FAM76B: variants seen among roughly 807,000 people sequenced by gnomAD.
FAM76B encodes family with sequence similarity 76 member B.
FAM76B carries 16 observed loss-of-function variants against 51.8 expected under a neutral mutation model. That is an observed-to-expected ratio of 0.31 (90% CI 0.21 to 0.47). The LOEUF is 0.47. Ranked by LOEUF, FAM76B falls within the 20% of genes least tolerant of loss-of-function variation. The pLI, the probability that FAM76B is intolerant of heterozygous loss-of-function variation, is 1.00. For missense variants in FAM76B, 342 were observed against 392.6 expected, an observed-to-expected ratio of 0.87 and a Z score of 1.09; for synonymous variants, 166 against 129.5, an observed-to-expected ratio of 1.28 and a Z score of -1.91.
At position 95,770,959 on chromosome 11, in the gene FAM76B, T is replaced by G. The variant is rs1175906641; in HGVS notation, c.*602A>C. 4.0e-5 allele frequency: 6 copies of G among 151,634 alleles called. No homozygotes were observed. The highest frequency in any genetic ancestry group is 3.3e-4 in the Admixed American group (5 of 15,138). 9.4% of individuals were successfully genotyped at this position (151,634 alleles called of 1,614,324 possible). A position where few individuals can be genotyped will look rare whatever the true frequency, so the allele number is the denominator to read the frequency against. On this transcript the variant is annotated 3_prime_UTR_variant, in exon 10 of 10. Transcript: ENST00000358780. ...ACCTTAGATACTGTACAATAAACATTAATTCCTATACCAATAATGAAAATG... is the reference window on the plus strand; with the variant it reads ...ACCTTAGATACTGTACAATAAACATGAATTCCTATACCAATAATGAAAATG...
At chr11:95,774,708 T>C (rs1859917239) in intron 9 of FAM76B, among the ~76,000 whole-genome samples, 1 of 151,038 alleles carries the variant, frequency 6.6e-6, no homozygotes, top group Admixed American at 6.6e-5. Context: ...TTGACTAATA[T>C]ATAAGAATCT....
rs900238214 is a variant in FAM76B at position 95,787,829 on chromosome 11, T to C, written c.153-151A>G. The C allele has an allele frequency of 6.2e-6, 4 of 649,110 alleles. No individual in the cohort carries two copies. The African/African-American group carries it at 7.4e-5, about 12-fold the overall frequency. 40.2% of individuals were successfully genotyped at this position (649,110 alleles called of 1,614,324 possible). On this transcript the variant is annotated intron_variant, in intron 2 of 9. Transcript: ENST00000358780. ...CAAATATACAAGGATATTTTCAGAG[T>C]TGTTTTACCCAAATTAACTTATGAC...
chr11:95,789,483 C>G lies in FAM76B; in HGVS notation c.-5G>C. The G allele has an allele frequency of 6.3e-7, 1 of 1,596,832 alleles. No individual in the cohort carries two copies. The highest frequency in any genetic ancestry group is 1.1e-5 in the South Asian group (1 of 88,552). On this transcript the variant is annotated 5_prime_UTR_variant, in exon 1 of 10. Transcript: ENST00000358780. ...GTACAGGGCCGAGGCCGCCATCCTG[C>G]TCCTCAGTCTCCTCCTCCGCCGCCG...
At chr11:95,774,477 T>A (rs542655634) in intron 9 of FAM76B, among the ~76,000 whole-genome samples, 1 of 151,516 alleles carries the variant, frequency 6.6e-6, no homozygotes, top group South Asian at 2.1e-4. Flanking sequence ...ACTGCTCTTT[T>A]GAACAGTGGG....
intron 4 of FAM76B, among the ~76,000 whole-genome samples, chr11:95,784,429 G>C (rs903467973): frequency 4.0e-5 from 6 of 151,854 alleles, no homozygotes; most frequent in Admixed American, 2.6e-4. Flanking sequence ...ATGTACCCCT[G>C]AACTTAAAAA....
chr11:95,770,523 A>T lies in FAM76B; in HGVS notation c.*1038T>A, dbSNP rs1366958078. On this transcript the variant is annotated 3_prime_UTR_variant, in exon 10 of 10. Transcript: ENST00000358780. ...AATTTTATAAAATATAAAGCAAAAC[A>T]TGTAACTCACACAATACTAATATGA... The T allele has an allele frequency of 6.6e-6, 1 of 151,834 alleles. No individual in the cohort carries two copies. Among genetic ancestry groups the T allele is most frequent in the Non-Finnish European group, 1.5e-5 (1 of 67,506 alleles). The allele number at this position is 151,834 out of a possible 1,614,324, so 9.4% of individuals were successfully genotyped here.
At chr11:95,776,170 G>GT in intron 8 of FAM76B, 147 bp from the exon 9 acceptor site, 1 of 407,006 alleles carries the variant, frequency 2.5e-6, no homozygotes, top group Admixed American at 4.5e-5. Context: ...GCTATCTAAA[G>GT]TTTGTTTGGT....
At chr11:95,776,420 T>C (rs193217912) in intron 8 of FAM76B, among the ~76,000 whole-genome samples, 2 of 151,626 alleles carry the variant, frequency 1.3e-5, no homozygotes, top group East Asian at 1.9e-4. Context: ...ATGCGTAAAA[T>C]AATCTTTCAA....
chr11:95,784,386 T>C (rs1191035056), intron 4 of FAM76B, among the ~76,000 whole-genome samples: 1 of 151,996 alleles, frequency 6.6e-6, no homozygotes, highest in African/African-American at 2.4e-5. Flanking sequence ...CAAACCTCCA[T>C]GACACAAGTT....
At chr11:95,781,893 TAC>T (rs1860291987) in intron 5 of FAM76B, among the ~76,000 whole-genome samples, 1 of 152,138 alleles carries the variant, frequency 6.6e-6, no homozygotes, top group African/African-American at 2.4e-5. Context: ...GGTGATTGGA[TAC>T]AGTTTACAAC....
rs1294057457 is a variant in FAM76B at position 95,771,417 on chromosome 11, T to C, written c.*144A>G. On this transcript the variant is annotated 3_prime_UTR_variant, in exon 10 of 10. Coordinates refer to ENST00000358780, the MANE Select transcript of FAM76B (RefSeq NM_144664.5). ...GTTTTACAACTTAAAAAATGCTGTA[T>C]ATCAATTACAAAAGTGAACAGGAAA... 5.4e-6 allele frequency: 3 copies of C among 554,800 alleles called. No homozygotes were observed. Among genetic ancestry groups the C allele is most frequent in the Non-Finnish European group, 9.7e-6 (3 of 310,852 alleles). 34.4% of individuals were successfully genotyped at this position (554,800 alleles called of 1,614,324 possible).
chr11:95,782,385 G>A (rs1860319296), intron 5 of FAM76B, among the ~76,000 whole-genome samples: 1 of 151,798 alleles, frequency 6.6e-6, no homozygotes. Context: ...TATATAGAAG[G>A]CCAACTTTTC....
In FAM76B at chr11:95,786,302, T is replaced by C. The variant is rs1283837305; in HGVS notation, c.208-28A>G. The C allele has an allele frequency of 1.9e-6, 3 of 1,610,996 alleles. No individual in the cohort carries two copies. In the African/African-American group the frequency reaches 4.0e-5, roughly 22 times the overall value. The stretch of plus-strand genomic sequence containing the variant: ...GAAAAACATACACATTTTGAGACTT[T>C]TAAAAACATTAAATATTTGCGGCAT... On this transcript the variant is annotated intron_variant, in intron 3 of 9. Coordinates refer to ENST00000358780, the MANE Select transcript of FAM76B (RefSeq NM_144664.5).
chr11:95,773,387 T>C (rs1859855052), intron 9 of FAM76B, among the ~76,000 whole-genome samples: 1 of 150,454 alleles, frequency 6.6e-6, no homozygotes, highest in Non-Finnish European at 1.5e-5. Context: ...TAAAAATGAA[T>C]TTTATGCCAT....
At position 95,783,218 on chromosome 11, in the gene FAM76B, CTT is replaced by C; in HGVS notation, c.408_409del (p.Arg137SerfsTer26). ...TTGTTCTTTCGTCTTCTGTAAAACT[CTT>C]TTGTACGATAAAGTACAGAGCCAGC... is the stretch of plus-strand genomic sequence containing the variant. On this transcript the variant is annotated frameshift_variant, in exon 5 of 10. Transcript: ENST00000358780. LOFTEE classifies it high-confidence loss of function. 1 of 1,613,716 alleles carries C rather than the reference CTT, an allele frequency of 6.2e-7. No individual in the cohort carries two copies. Among genetic ancestry groups the C allele is most frequent in the Non-Finnish European group, 8.5e-7 (1 of 1,179,948 alleles).
In FAM76B at chr11:95,770,156, TAA is replaced by T. The variant is rs1185866905; in HGVS notation, c.*1403_*1404del. 8 of 151,704 alleles carry T rather than the reference TAA, an allele frequency of 5.3e-5. No homozygotes were observed. Among genetic ancestry groups the T allele is most frequent in the African/African-American group, 1.7e-4 (7 of 41,498 alleles). The allele number at this position is 151,704 out of a possible 1,614,324, so 9.4% of individuals were successfully genotyped here. A position where few individuals can be genotyped will look rare whatever the true frequency, so the allele number is the denominator to read the frequency against. On this transcript the variant is annotated 3_prime_UTR_variant, in exon 10 of 10. Transcript: ENST00000358780. The stretch of plus-strand genomic sequence containing the variant: ...ATCTAGCAATACTTTAAAATCAAAC[TAA>T]AACTCTGAACTGATAATAACTAGGA...
In FAM76B at chr11:95,789,765, C is replaced by T. The variant is rs141730547; in HGVS notation, c.-287G>A. The T allele has an allele frequency of 7.7e-6, 3 of 387,264 alleles. No homozygotes were observed. Among genetic ancestry groups the T allele is most frequent in the Non-Finnish European group, 1.4e-5 (3 of 217,678 alleles). 24.0% of individuals were successfully genotyped at this position (387,264 alleles called of 1,614,324 possible). A position where few individuals can be genotyped will look rare whatever the true frequency, so the allele number is the denominator to read the frequency against. Reference sequence around the variant, plus strand: ...AAGCGGGTAGGGGGTTGCTGTTTAGCTGTGCGGCCGTGGATCCGCTTCCTT... The same window carrying T: ...AAGCGGGTAGGGGGTTGCTGTTTAGTTGTGCGGCCGTGGATCCGCTTCCTT... On this transcript the variant is annotated 5_prime_UTR_variant, in exon 1 of 10. Transcript: ENST00000358780.
intron 4 of FAM76B, 119 bp from the exon 5 acceptor site, chr11:95,783,383 T>C (rs934241102): frequency 4.1e-6 from 3 of 725,118 alleles, no homozygotes; most frequent in Middle Eastern, 4.0e-4. Context: ...CAAATGCATG[T>C]ATGCACATAT....
At chr11:95,774,358 A>G (rs1440307486) in intron 9 of FAM76B, among the ~76,000 whole-genome samples, 2 of 151,430 alleles carry the variant, frequency 1.3e-5, no homozygotes, top group Non-Finnish European at 3.0e-5. Flanking sequence ...ATACTACATG[A>G]AACTTCAATT....
Sources: gnomAD v4.1 joint callset for allele counts (sites outside exome capture counted in the v4.1 genomes callset) on GRCh38, gnomAD v4.1.1 for gene constraint, MANE v1.5 for transcripts, NCBI Gene and HGNC (gene_info 2026-07-23, HGNC 2026-07-21) for gene names.